RPUSD1: variants seen among roughly 807,000 people sequenced by gnomAD.
The protein encoded by RPUSD1 is RNA pseudouridine synthase domain containing 1, also known as pseudouridylate synthase RPUSD1.
Under a neutral mutation model 22.4 loss-of-function variants are expected in RPUSD1, and 28 were observed. The ratio of observed to expected loss-of-function variants is 1.25; its 90% CI spans 0.93 to 1.72. The LOEUF is 1.72. Ranked by LOEUF, RPUSD1 falls within the 40% of genes most tolerant of loss-of-function variation. The probability of loss-of-function intolerance (pLI) is 0.00; values close to 1 mark genes in which losing one functional copy is unlikely to be tolerated. For synonymous variants in RPUSD1, 298 were observed against 201.0 expected (o/e 1.48, Z -4.08); for missense variants, 596 against 442.2 (o/e 1.35, Z -3.12).
Position 787,405 on chromosome 16 carries a change from G to C in RPUSD1, c.255C>G (p.Ser85Arg). 1 of 1,583,098 alleles carries C rather than the reference G, an allele frequency of 6.3e-7. No individual in the cohort carries two copies. Among genetic ancestry groups the C allele is most frequent in the Non-Finnish European group, 8.6e-7 (1 of 1,164,602 alleles). Reference protein sequence around the residue: ...CVALNKAAAGSAYRCFKERRV... With the variant: ...CVALNKAAAGRAYRCFKERRV... ...GCCGCTCCTTGAAGCACCTGTACGCGCTGCCGGCGGCTGCCTTGTTTAGGG... is the reference window on the plus strand; with the variant it reads ...GCCGCTCCTTGAAGCACCTGTACGCCCTGCCGGCGGCTGCCTTGTTTAGGG... The change falls in exon 3 of 6, where the codon AGC becomes AGG. Residue 85 changes from serine (S) to arginine (R), a missense_variant. Physicochemically the swap from Ser to Arg is moderately radical, Grantham distance 110. Coordinates refer to ENST00000007264, the MANE Select transcript of RPUSD1 (RefSeq NM_058192.3).
rs1368393147 is a variant in RPUSD1 at position 787,341 on chromosome 16, G to A, written c.306+13C>T. 4 of 1,579,420 alleles carry A rather than the reference G, an allele frequency of 2.5e-6. No individual in the cohort carries two copies. Among genetic ancestry groups the A allele is most frequent in the African/African-American group, 2.7e-5 (2 of 73,856 alleles). ...AGTCCCCACGCCCCACCCCAGGACT[G>A]ACCAGGTCTTACCAATGCCAGGTAA... On this transcript the variant is annotated intron_variant, in intron 3 of 5. Transcript: ENST00000007264.
Position 786,414 on chromosome 16 carries a change from C to T in RPUSD1, c.512-37G>A, listed in dbSNP as rs376233700. The T allele has an allele frequency of 9.6e-5, 151 of 1,573,264 alleles. 1 individual carries two copies. The highest frequency in any genetic ancestry group is 8.5e-4 in the Admixed American group (50 of 58,780). ...GGGCGGTGCCGGATCAAGCTGGGAG[C>T]GGGGCCGATCCACACCTATCTCCCT... On this transcript the variant is annotated intron_variant, in intron 5 of 5. Coordinates refer to ENST00000007264, the MANE Select transcript of RPUSD1 (RefSeq NM_058192.3).
Position 786,187 on chromosome 16 carries a change from C to T in RPUSD1, c.702G>A (p.Leu234=), listed in dbSNP as rs113290057. 252 of 1,612,616 alleles carry T rather than the reference C, an allele frequency of 1.6e-4. 3 individuals are homozygous for T. In the African/African-American group the frequency reaches 2.2e-3, roughly 14 times the overall value. The change falls in exon 6 of 6, where the codon CTG becomes CTA. Residue 234 remains leucine, a synonymous_variant. Coordinates refer to ENST00000007264, the MANE Select transcript of RPUSD1 (RefSeq NM_058192.3). ...GTGTGTGGGGGCTCCAGCAGGCATC[C>T]AGGGAGGGCAGGAAGGGGTCAGGCG... ...VCTPDPFLPS[L]DACWSPHTLL...
In RPUSD1 at chr16:787,609, C is replaced by G. The variant is rs766691511; in HGVS notation, c.129G>C (p.Gln43His). The G allele has an allele frequency of 8.1e-6, 13 of 1,611,566 alleles. No homozygotes were observed. The Admixed American group carries it at 1.5e-4, about 19-fold the overall frequency. The part of the protein sequence containing the change: ...AWRETLTLQK[Q>H]LRYRFPELAD... Reference sequence around the variant, plus strand: ...CCAGCTCGGGAAAGCGGTACCGCAGCTGCTTCTGCAGGGTCAGAGTCTCCC... The same window carrying G: ...CCAGCTCGGGAAAGCGGTACCGCAGGTGCTTCTGCAGGGTCAGAGTCTCCC... The change falls in exon 2 of 6, where the codon CAG (glutamine) becomes CAC (histidine). Residue 43 changes from glutamine to histidine, a missense_variant. Physicochemically the swap from Gln to His is conservative, Grantham distance 24. Transcript: ENST00000007264.
At chr16:786,655 G>A (rs1291274991) in intron 5 of RPUSD1, 172 bp downstream of exon 5, 10 of 747,862 alleles carry the variant, frequency 1.3e-5, no homozygotes, top group East Asian at 2.6e-5. Context: ...GAGCCAGCAG[G>A]GACCCTGTGT....
Position 785,929 on chromosome 16 carries a change from C to T in RPUSD1, c.*21G>A. ...GAGTCCCGCTGTGCAGCTGACACCC[C>T]CTGCCCCAGCCCCACGGCTCTCAGC... is the stretch of plus-strand genomic sequence containing the variant. On this transcript the variant is annotated 3_prime_UTR_variant, in exon 6 of 6. Coordinates refer to ENST00000007264, the MANE Select transcript of RPUSD1 (RefSeq NM_058192.3). 7.0e-7 allele frequency: 1 copy of T among 1,428,142 alleles called. No homozygotes were observed. Among genetic ancestry groups the T allele is most frequent in the Non-Finnish European group, 9.1e-7 (1 of 1,093,462 alleles). The allele number at this position is 1,428,142 out of a possible 1,614,324, so 88.5% of individuals were successfully genotyped here.
intron 5 of RPUSD1, 90 bp from the exon 6 acceptor site, chr16:786,467 C>T: frequency 9.0e-6 from 12 of 1,332,802 alleles, no homozygotes; most frequent in South Asian, 1.3e-5. Flanking sequence ...CGTCATGACC[C>T]CGCTGCAGTC....
intron 5 of RPUSD1, 161 bp from the exon 6 acceptor site, chr16:786,538 A>G (rs1467641017): frequency 1.3e-6 from 1 of 779,766 alleles, no homozygotes; most frequent in East Asian, 2.7e-5. Flanking sequence ...GGATGACAGT[A>G]TTTAGGACAG....
At position 787,713 on chromosome 16, in the gene RPUSD1, G is replaced by A. The variant is rs2042000909; in HGVS notation, c.25C>T (p.Leu9=). MEPGSVEN[L]SIVYRSRDFL... ...TCGCGGCTCCGGTACACGATGGACA[G>A]GTTCTCCACGCTGCCTGGCTCCATG... The change falls in exon 2 of 6, where the codon CTG becomes TTG. Residue 9 remains leucine, a synonymous_variant. Coordinates refer to ENST00000007264, the MANE Select transcript of RPUSD1 (RefSeq NM_058192.3). The A allele has an allele frequency of 6.8e-6, 11 of 1,611,174 alleles. No individual in the cohort carries two copies. The highest frequency in any genetic ancestry group is 9.3e-6 in the Non-Finnish European group (11 of 1,179,892).
At chr16:786,555 G>C (rs560236188) in intron 5 of RPUSD1, 178 bp from the exon 6 acceptor site, 9 of 770,516 alleles carry the variant, frequency 1.2e-5, no homozygotes, top group Admixed American at 4.1e-5. Flanking sequence ...ACAGAAGATT[G>C]TGTTCAGGTC....
chr16:785,356 G>A lies in RPUSD1; in HGVS notation c.*594C>T, dbSNP rs924183434. ...CAAGGCACACGCAGCCGGGCCTGCA[G>A]ACTCGAGCCCAGCAGGGACCATTAG... is the stretch of plus-strand genomic sequence containing the variant. On this transcript the variant is annotated 3_prime_UTR_variant, in exon 6 of 6. Coordinates refer to ENST00000007264, the MANE Select transcript of RPUSD1 (RefSeq NM_058192.3). 1 of 152,860 alleles carries A rather than the reference G, an allele frequency of 6.5e-6. No homozygotes were observed. The highest frequency in any genetic ancestry group is 2.4e-5 in the African/African-American group (1 of 41,472). The allele number at this position is 152,860 out of a possible 1,614,324, so 9.5% of individuals were successfully genotyped here.
chr16:786,118 G>A lies in RPUSD1; in HGVS notation c.771C>T (p.Thr257=). 1 of 1,598,646 alleles carries A rather than the reference G, an allele frequency of 6.3e-7. No homozygotes were observed. Among genetic ancestry groups the A allele is most frequent in the East Asian group, 2.2e-5 (1 of 44,448 alleles). The change falls in exon 6 of 6, where the codon ACC becomes ACT. Residue 257 remains threonine (T), a synonymous_variant. Coordinates refer to ENST00000007264, the MANE Select transcript of RPUSD1 (RefSeq NM_058192.3). ...CCCTATCCTCGGGGTCAGGGTCGGG[G>A]GTGGCCCGTAAGGCCTGCACGAGCT... ...LDQLVQALRA[T]PDPDPEDRGP...
chr16:787,000 C>A (rs1337486177), intron 4 of RPUSD1, 72 bp from the exon 5 acceptor site: 1 of 1,563,792 alleles, frequency 6.4e-7, no homozygotes, highest in South Asian at 1.2e-5. Flanking sequence ...ACGCACGATG[C>A]CCGCCCGGTG....
Position 787,479 on chromosome 16 carries a change from T to A in RPUSD1, c.183-2A>T. ...GAGAAATCCAGCTGGTGGCAGAACC[T>A]GGAGTGGGACAGAGTCCAGAGTCTG... is the stretch of plus-strand genomic sequence containing the variant. On this transcript the variant is annotated splice_acceptor_variant, in intron 2 of 5. Coordinates refer to ENST00000007264, the MANE Select transcript of RPUSD1 (RefSeq NM_058192.3). LOFTEE classifies it high-confidence loss of function. 1 of 1,589,086 alleles carries A rather than the reference T, an allele frequency of 6.3e-7. No individual in the cohort carries two copies. Among genetic ancestry groups the A allele is most frequent in the Non-Finnish European group, 8.6e-7 (1 of 1,168,026 alleles).
In RPUSD1 at chr16:786,813, C is replaced by T. The variant is rs2041937847; in HGVS notation, c.511+14G>A. On this transcript the variant is annotated intron_variant, in intron 5 of 5. Coordinates refer to ENST00000007264, the MANE Select transcript of RPUSD1 (RefSeq NM_058192.3). ...CTTCTGTCACCACCAGGACACCGCC[C>T]ACCCCAGACACACCCGTGAGCGGCT... The T allele has an allele frequency of 6.2e-7, 1 of 1,606,328 alleles. No homozygotes were observed. The highest frequency in any genetic ancestry group is 1.1e-5 in the South Asian group (1 of 90,982).
Position 786,162 on chromosome 16 carries a change from G to C in RPUSD1, c.727C>G (p.Leu243Val). ...ACGAGCTGGTCCAGCGACTGCAGCA[G>C]TGTGTGGGGGCTCCAGCAGGCATCC... ...SLDACWSPHT[L>V]LQSLDQLVQA... The change falls in exon 6 of 6, where the codon CTG (leucine) becomes GTG (valine). Residue 243 changes from leucine to valine, a missense_variant. Transcript: ENST00000007264. The C allele has an allele frequency of 1.2e-6, 2 of 1,612,320 alleles. No homozygotes were observed. The highest frequency in any genetic ancestry group is 2.7e-5 in the African/African-American group (2 of 75,044).
rs777115074 is a variant in RPUSD1 at position 787,611 on chromosome 16, G to A, written c.127C>T (p.Gln43Ter). The part of the protein sequence containing the change: ...AWRETLTLQK[Q>*]LRYRFPELAD... ...AGCTCGGGAAAGCGGTACCGCAGCT[G>A]CTTCTGCAGGGTCAGAGTCTCCCGC... Residue 43 changes from glutamine to a stop codon, truncating the protein, a stop_gained, in exon 2 of 6, where the codon CAG becomes TAG. Coordinates refer to ENST00000007264, the MANE Select transcript of RPUSD1 (RefSeq NM_058192.3). LOFTEE classifies it high-confidence loss of function. 5 of 1,611,650 alleles carry A rather than the reference G, an allele frequency of 3.1e-6. No homozygotes were observed. Among genetic ancestry groups the A allele is most frequent in the South Asian group, 1.1e-5 (1 of 91,088 alleles).
chr16:787,215 G>A, intron 3 of RPUSD1, 36 bp from the exon 4 acceptor site: 1 of 1,571,496 alleles, frequency 6.4e-7, no homozygotes, highest in Non-Finnish European at 8.6e-7. Flanking sequence ...AGTTCACGGG[G>A]CAGCCCAGTG....
rs1268691208 is a variant in RPUSD1, at chr16:787,112, C to T, written c.374G>A (p.Gly125Asp). ...SHAIGRNSTE[G>D]RAHTMCIEGS... The stretch of plus-strand genomic sequence containing the variant: ...CTCGATGCACATGGTGTGGGCCCGG[C>T]CCTCCGTGCTGTTCCTGCCAATGGC... The change falls in exon 4 of 6, where the codon GGC (glycine) becomes GAC (aspartate). Residue 125 changes from glycine to aspartate, a missense_variant. Coordinates refer to ENST00000007264, the MANE Select transcript of RPUSD1 (RefSeq NM_058192.3). The T allele has an allele frequency of 1.2e-6, 2 of 1,607,614 alleles. No homozygotes were observed. Among genetic ancestry groups the T allele is most frequent in the Non-Finnish European group, 1.7e-6 (2 of 1,179,006 alleles).
Sources: allele counts gnomAD v4.1 joint callset, GRCh38; gene constraint gnomAD v4.1.1; transcripts MANE v1.5; gene names NCBI Gene and HGNC (gene_info 2026-07-23, HGNC 2026-07-21).